Variants in BCLAF1 observed in about 807,000 individuals in gnomAD.
The protein encoded by BCLAF1 is BCL2 associated transcription factor 1.
A neutral mutation model predicts 99.5 loss-of-function variants in BCLAF1; 10 were observed. The ratio of observed to expected loss-of-function variants is 0.10; its 90% CI spans 0.06 to 0.17. BCLAF1 has a LOEUF of 0.17. BCLAF1 is among the 10% of genes least tolerant of loss of function. BCLAF1 has a pLI of 1.00. For missense variants in BCLAF1, 636 were observed against 1,105.8 expected (o/e 0.58, Z 6.02); for synonymous variants, 255 against 370.9 (o/e 0.69, Z 3.59).
chr6:136,273,434 C>A, intron 6 of BCLAF1: 1 of 385,856 alleles, frequency 2.6e-6, no homozygotes, highest in Non-Finnish European at 4.7e-6. Flanking sequence ...TAGATTAAAT[C>A]AAGAGTCTCT....
At chr6:136,288,959 C>T (rs957235089) in intron 1 of BCLAF1, among the ~76,000 whole-genome samples, 3 of 152,172 alleles carry the variant, frequency 2.0e-5, no homozygotes, top group Admixed American at 6.5e-5. Context: ...CCAGCTAAGA[C>T]CCAATCCTCT....
Position 136,278,272 on chromosome 6 carries a change from A to T in BCLAF1, c.609T>A (p.Asn203Lys). The change falls in exon 4 of 13, where the codon AAT becomes AAA. Residue 203 changes from asparagine (N) to lysine (K), a missense_variant. This residue lies in a region of BCLAF1 where 65 missense variants were observed against 90.9 expected (regional missense o/e 0.71). Coordinates refer to ENST00000531224, the MANE Select transcript of BCLAF1 (RefSeq NM_014739.3). ...TATCACCGGATGTGGCTGATGACTT[A>T]TTAAATTCATCGATAGACTCAGATG... ...HDPSESIDEF[N>K]KSSATSGDIW... 6.2e-7 allele frequency: 1 copy of T among 1,614,138 alleles called. No individual in the cohort carries two copies. Among genetic ancestry groups the T allele is most frequent in the Non-Finnish European group, 8.5e-7 (1 of 1,180,006 alleles).
chr6:136,267,115 T>C lies in BCLAF1; in HGVS notation c.2458A>G (p.Asn820Asp). The C allele has an allele frequency of 1.2e-6, 2 of 1,613,278 alleles. No individual in the cohort carries two copies. The highest frequency in any genetic ancestry group is 2.2e-5 in the East Asian group (1 of 44,824). Residue 820 changes from asparagine (N) to aspartate (D), a missense_variant, in exon 11 of 13, where the codon AAC becomes GAC. Physicochemically the swap from Asn to Asp is conservative, Grantham distance 23. This residue lies in a region of BCLAF1 where 30 missense variants were observed against 22.9 expected (regional missense o/e 1.31). Coordinates refer to ENST00000531224, the MANE Select transcript of BCLAF1 (RefSeq NM_014739.3). ...GVFAGTNTGP[N>D]NSNTTFQKRP... ...TTTTGAAAAGTAGTATTTGAGTTGT[T>C]TGGACCAGTATTTGTCCCAGCAAAA...
chr6:136,275,139 T>G (rs1426746333), intron 6 of BCLAF1, among the ~76,000 whole-genome samples: 1 of 152,038 alleles, frequency 6.6e-6, no homozygotes, highest in African/African-American at 2.4e-5. Flanking sequence ...CAATACTGTC[T>G]GACTTTGTTA....
intron 11 of BCLAF1, among the ~76,000 whole-genome samples, chr6:136,265,454 T>C (rs1781585562): frequency 6.6e-6 from 1 of 152,196 alleles, no homozygotes; most frequent in Non-Finnish European, 1.5e-5. Context: ...TTCTCAAATC[T>C]AGCCCCTTAG....
At chr6:136,271,606 T>C (rs1463331094) in intron 8 of BCLAF1, among the ~76,000 whole-genome samples, 1 of 151,924 alleles carries the variant, frequency 6.6e-6, no homozygotes, top group Non-Finnish European at 1.5e-5. Context: ...CTTCTTGTTA[T>C]CTGTGAAGAA....
intron 1 of BCLAF1, among the ~76,000 whole-genome samples, chr6:136,282,962 G>C (rs1784573068): frequency 1.3e-5 from 2 of 151,714 alleles, no homozygotes; most frequent in South Asian, 4.2e-4. Flanking sequence ...AAAAACATAT[G>C]ATATGTCGTT....
At chr6:136,279,730 A>C (rs1384197824) in intron 3 of BCLAF1, 33 bp downstream of exon 3, 2 of 1,500,714 alleles carry the variant, frequency 1.3e-6, no homozygotes, top group Admixed American at 4.1e-5. Context: ...AACTGATATA[A>C]TTATTTTAAA....
At chr6:136,286,126 G>C (rs1785098168) in intron 1 of BCLAF1, among the ~76,000 whole-genome samples, 1 of 152,026 alleles carries the variant, frequency 6.6e-6, no homozygotes, top group Non-Finnish European at 1.5e-5. Flanking sequence ...AAGGTAACTG[G>C]GTTCAACAAA....
intron 4 of BCLAF1, 46 bp downstream of exon 4, chr6:136,277,819 G>A (rs775789266): frequency 3.2e-6 from 5 of 1,550,136 alleles, no homozygotes; most frequent in South Asian, 1.2e-5. Context: ...AGAATTCAAA[G>A]AACAAAAACA....
chr6:136,265,311 T>C (rs968727598), intron 11 of BCLAF1, among the ~76,000 whole-genome samples: 5 of 152,144 alleles, frequency 3.3e-5, no homozygotes, highest in African/African-American at 7.2e-5. Context: ...GACAGCTCCA[T>C]TTCTCCCAGG....
At chr6:136,266,519 A>C (rs1459871734) in intron 11 of BCLAF1, among the ~76,000 whole-genome samples, 1 of 152,096 alleles carries the variant, frequency 6.6e-6, no homozygotes, top group African/African-American at 2.4e-5. Context: ...TACCACAGGA[A>C]GCACCAAATT....
At chr6:136,271,675 T>G (rs889342385) in intron 8 of BCLAF1, among the ~76,000 whole-genome samples, 10 of 151,972 alleles carry the variant, frequency 6.6e-5, no homozygotes, top group Non-Finnish European at 1.5e-4. Context: ...CTAATGAATC[T>G]CATCTCAAAA....
intron 4 of BCLAF1, 54 bp downstream of exon 4, chr6:136,277,811 A>T (rs1783640520): frequency 6.5e-7 from 1 of 1,534,778 alleles, no homozygotes; most frequent in African/African-American, 1.4e-5. Flanking sequence ...TTCCAAACAG[A>T]ATTCAAAGAA....
chr6:136,276,728 T>A (rs1409488969), intron 4 of BCLAF1, among the ~76,000 whole-genome samples: 1 of 152,216 alleles, frequency 6.6e-6, no homozygotes, highest in Non-Finnish European at 1.5e-5. Context: ...CTTCTGAAGT[T>A]TAAAACACAA....
intron 6 of BCLAF1, chr6:136,273,894 C>T (rs1460124704): frequency 3.3e-6 from 3 of 899,782 alleles, no homozygotes. Flanking sequence ...AAGTCATGAG[C>T]TATGAAATGT....
In BCLAF1 at chr6:136,271,992, T is replaced by C; in HGVS notation, c.2043+3A>G. 6.3e-7 allele frequency: 1 copy of C among 1,591,448 alleles called. No individual in the cohort carries two copies. The highest frequency in any genetic ancestry group is 1.1e-5 in the South Asian group (1 of 89,546). ...CGAAAAAAAATTACATTCAAAAACA[T>C]ACCTTTTGATTTTCTTCTTTAAAAA... On this transcript the variant is annotated splice_donor_region_variant and intron_variant, in intron 8 of 12. Coordinates refer to ENST00000531224, the MANE Select transcript of BCLAF1 (RefSeq NM_014739.3).
At position 136,276,069 on chromosome 6, in the gene BCLAF1, C is replaced by G. The variant is rs761181950; in HGVS notation, c.1456G>C (p.Glu486Gln). 1.9e-6 allele frequency: 3 copies of G among 1,607,086 alleles called. No homozygotes were observed. Among genetic ancestry groups the G allele is most frequent in the African/African-American group, 1.3e-5 (1 of 74,130 alleles). The change falls in exon 5 of 13, where the codon GAA becomes CAA. Residue 486 changes from glutamate (E) to glutamine (Q), a missense_variant. By Grantham distance (29) the Glu-to-Gln change is conservative. This residue lies in a region of BCLAF1 where 186 missense variants were observed against 275.3 expected (regional missense o/e 0.68). Transcript: ENST00000531224. The part of the protein sequence containing the change: ...DKHKEEDKNS[E>Q]RITVKKETQS... ...GTTTCTTTCTTTACTGTTATTCTTT[C>G]AGAATTTTTGTCTTCTTCTTTGTGC... is the stretch of plus-strand genomic sequence containing the variant.
chr6:136,270,148 A>C (rs780194430), intron 8 of BCLAF1, among the ~76,000 whole-genome samples: 1 of 151,954 alleles, frequency 6.6e-6, no homozygotes, highest in Admixed American at 6.6e-5. Flanking sequence ...TAAGAATTCT[A>C]TAATTTCCAT....
Sources: gnomAD v4.1 joint callset for allele counts (sites outside exome capture counted in the v4.1 genomes callset) on GRCh38, gnomAD v4.1.1 for gene constraint, gnomAD v4.1.1 regional missense constraint, MANE v1.5 for transcripts, NCBI Gene and HGNC (gene_info 2026-07-23, HGNC 2026-07-21) for gene names.